LITAF: variants seen among roughly 807,000 people sequenced by gnomAD.
The protein encoded by LITAF is lipopolysaccharide-induced tumor necrosis factor-alpha factor.
LITAF carries 9 observed loss-of-function variants against 14.5 expected under a neutral mutation model. That is an observed-to-expected ratio of 0.62 (90% CI 0.37 to 1.08). LITAF has a LOEUF of 1.08. LITAF is among the 50% of genes least tolerant of loss of function. LITAF has a pLI of 0.01. For missense variants in LITAF, 206 were observed against 213.4 expected (o/e 0.97, Z 0.22); for synonymous variants, 98 against 88.2 (o/e 1.11, Z -0.62).
rs1398459495 is a variant in LITAF at position 11,605,708 on chromosome 16, G to C, written c.85+27825C>G. Among the ~76,000 whole-genome samples, 1 of 152,202 alleles carries C rather than the reference G, an allele frequency of 6.6e-6. No homozygotes were observed. Among genetic ancestry groups the C allele is most frequent in the Non-Finnish European group, 1.5e-5 (1 of 68,038 alleles). On this transcript the variant is annotated intron_variant, in intron 3 of 3. Coordinates refer to the LITAF transcript ENST00000574848. The surrounding 1 kb of genome is among the most constrained non-coding windows in gnomAD (Gnocchi z 4.7). ...TGGAGGCCAGGAGTTCGAAGCTGCA[G>C]TGAGCTATGATTGCACCACTGCACT...
chr16:11,556,437 A>T, intron 2 of LITAF, 74 bp downstream of exon 2: 1 of 1,333,880 alleles, frequency 7.5e-7, no homozygotes, highest in Non-Finnish European at 1.0e-6. Flanking sequence ...TGGCAGAGTC[A>T]CTTCGGTCAC....
chr16:11,585,212 G>C (rs543132874), intron 1 of LITAF, among the ~76,000 whole-genome samples: 1 of 145,114 alleles, frequency 6.9e-6, no homozygotes, highest in East Asian at 2.0e-4. Context: ...CAGCCTAGGC[G>C]ACAGTGAGAC....
chr16:11,621,922 G>A (rs570618489), intron 3 of LITAF, among the ~76,000 whole-genome samples: 2 of 152,156 alleles, frequency 1.3e-5, no homozygotes, highest in Non-Finnish European at 2.9e-5. Flanking sequence ...TGGGTGGGAA[G>A]GCAAGACCTT....
chr16:11,612,306 C>T (rs1002557729), intron 3 of LITAF, among the ~76,000 whole-genome samples: 3 of 152,180 alleles, frequency 2.0e-5, no homozygotes, highest in Admixed American at 1.3e-4. Context: ...TCCTGGGAGC[C>T]GCAGCAGGCT....
At chr16:11,564,206 G>A (rs963480359) in intron 1 of LITAF, among the ~76,000 whole-genome samples, 10 of 151,948 alleles carry the variant, frequency 6.6e-5, no homozygotes, top group African/African-American at 1.5e-4. Context: ...CACCGCGCCC[G>A]GCCTCAGTTT....
intron 2 of LITAF, among the ~76,000 whole-genome samples, chr16:11,555,760 T>G (rs1447607604): frequency 6.6e-6 from 1 of 152,220 alleles, no homozygotes; most frequent in Admixed American, 6.5e-5. Context: ...TCAAAATAAC[T>G]TGAACACAAC....
rs1325978559 is a variant in LITAF, at chr16:11,558,440, G to T, written c.-5-1705C>A. Among the ~76,000 whole-genome samples, 2 of 152,110 alleles carry T rather than the reference G, an allele frequency of 1.3e-5. No homozygotes were observed. Among genetic ancestry groups the T allele is most frequent in the African/African-American group, 4.8e-5 (2 of 41,418 alleles). ...CAAAACAAAAGGGCTGGGTGCAGTG[G>T]CTCATGCCTGTAATCCCAGTACTTT... On this transcript the variant is annotated intron_variant, in intron 1 of 3. Coordinates refer to ENST00000622633, the MANE Select transcript of LITAF (RefSeq NM_001136472.2). The surrounding 1 kb of genome is among the most constrained non-coding windows in gnomAD (Gnocchi z 4.1).
chr16:11,554,140 G>A (rs1156764824), intron 2 of LITAF, among the ~76,000 whole-genome samples: 1 of 152,182 alleles, frequency 6.6e-6, no homozygotes, highest in Non-Finnish European at 1.5e-5. Context: ...GCTGAGGTGG[G>A]AGGATCAGTT....
intron 3 of LITAF, among the ~76,000 whole-genome samples, chr16:11,619,616 G>A (rs1040566841): frequency 2.0e-5 from 3 of 151,988 alleles, no homozygotes; most frequent in Non-Finnish European, 4.4e-5. Flanking sequence ...GACCAGGCTG[G>A]AGTGCAGTGG....
chr16:11,553,037 C>A lies in LITAF; in HGVS notation c.377+496G>T, dbSNP rs1205229324. 6.6e-6 allele frequency among the ~76,000 whole-genome samples: 1 copy of A among 152,116 alleles called. No individual in the cohort carries two copies. Among genetic ancestry groups the A allele is most frequent in the East Asian group, 1.9e-4 (1 of 5,192 alleles). On this transcript the variant is annotated intron_variant, in intron 3 of 3. Transcript: ENST00000622633. This position sits in a 1 kb window ranked among gnomAD's most constrained non-coding sequence, Gnocchi z 7.7. ...GGCTGAGGCAGGAGAATAGCTTGAA[C>A]CTGGGAGGCGGAGGTTGCAGTGAGC...
intron 1 of LITAF, chr16:11,561,135 T>C (rs957692608): frequency 2.6e-5 from 4 of 152,174 alleles, no homozygotes; most frequent in African/African-American, 9.7e-5. Flanking sequence ...CTGACTCGTA[T>C]AAAAACTTAC....
Position 11,553,419 on chromosome 16 carries a change from A to T in LITAF, c.377+114T>A. ...GAACCAGATTCCATCTCAAAAAAAA[A>T]CAACACAAATGTCTGGCCCTGAATG... On this transcript the variant is annotated intron_variant, in intron 3 of 3. Coordinates refer to ENST00000622633, the MANE Select transcript of LITAF (RefSeq NM_001136472.2). This position sits in a 1 kb window ranked among gnomAD's most constrained non-coding sequence, Gnocchi z 7.7. The T allele has an allele frequency of 8.3e-7, 1 of 1,206,122 alleles. No homozygotes were observed. Among genetic ancestry groups the T allele is most frequent in the Non-Finnish European group, 1.2e-6 (1 of 847,126 alleles). 74.7% of individuals were successfully genotyped at this position (1,206,122 alleles called of 1,614,324 possible).
intron 1 of LITAF, among the ~76,000 whole-genome samples, chr16:11,564,395 C>A (rs2064419707): frequency 6.6e-6 from 1 of 152,098 alleles, no homozygotes; most frequent in African/African-American, 2.4e-5. Context: ...AACAATTCAG[C>A]CTCAACAGCC....
chr16:11,592,655 A>G (rs1195947467), intron 1 of LITAF, among the ~76,000 whole-genome samples: 1 of 152,144 alleles, frequency 6.6e-6, no homozygotes, highest in Non-Finnish European at 1.5e-5. Context: ...AAGCACATGA[A>G]AAGATGTTCA....
intron 3 of LITAF, among the ~76,000 whole-genome samples, chr16:11,550,087 C>A (rs2064161519): frequency 6.6e-6 from 1 of 152,112 alleles, no homozygotes; most frequent in African/African-American, 2.4e-5. Flanking sequence ...GGGAGCGTGG[C>A]CCTGCTGACA....
upstream of LITAF, among the ~76,000 whole-genome samples, chr16:11,602,738 T>C (rs2064935098): frequency 6.8e-6 from 1 of 147,992 alleles, no homozygotes; most frequent in African/African-American, 2.5e-5. Flanking sequence ...TTGTAAGATC[T>C]ATTGTTCACT....
intron 1 of LITAF, among the ~76,000 whole-genome samples, chr16:11,557,074 G>GTTTGTGTT (rs2064283827): frequency 6.7e-6 from 1 of 149,206 alleles, no homozygotes; most frequent in Non-Finnish European, 1.5e-5. Flanking sequence ...GTTTTTTTTT[G>GTTTGTGTT]TTTGTTTTTT....
chr16:11,556,564 A>C lies in LITAF; in HGVS notation c.167T>G (p.Met56Arg). The change falls in exon 2 of 4, where the codon ATG (methionine) becomes AGG (arginine). Residue 56 changes from methionine (M) to arginine (R), a missense_variant. By Grantham distance (91) the Met-to-Arg change is moderately conservative (BLOSUM62 -1). Transcript: ENST00000622633. ...CTGGGTATAATACGAAGGAGGATTC[A>C]TGCCCTTCCCATCAGGCCCCGTCAC... ...GLVTGPDGKG[M>R]NPPSYYTQPA... 1 of 1,614,184 alleles carries C rather than the reference A, an allele frequency of 6.2e-7. No individual in the cohort carries two copies. The highest frequency in any genetic ancestry group is 8.5e-7 in the Non-Finnish European group (1 of 1,180,036).
intron 3 of LITAF, among the ~76,000 whole-genome samples, chr16:11,621,062 A>AT (rs398038189): frequency 0.27 from 39,453 of 144,814 alleles, 6,830 homozygotes; most frequent in African/African-American, 0.49. Flanking sequence ...CACCCAGTTA[A>AT]TTTTTTTTTT....
Sources: gnomAD v4.1 joint callset for allele counts (sites outside exome capture counted in the v4.1 genomes callset) on GRCh38, gnomAD v4.1.1 for gene constraint, Gnocchi (gnomAD v3.1) non-coding constraint, MANE v1.5 for transcripts, NCBI Gene and HGNC (gene_info 2026-07-23, HGNC 2026-07-21) for gene names.